The following SLC4A10 variants were observed in gnomAD, a reference collection of about 807,000 sequenced individuals.
The protein encoded by SLC4A10 is sodium-driven chloride bicarbonate exchanger.
A neutral mutation model predicts 137.7 loss-of-function variants in SLC4A10; 42 were observed. The ratio of observed to expected loss-of-function variants is 0.30; its 90% CI spans 0.24 to 0.39. The LOEUF (loss-of-function observed/expected upper bound fraction) is 0.39, where lower values mean the gene tolerates loss of function less well. SLC4A10 is among the 10% of genes least tolerant of loss of function. SLC4A10 has a pLI of 1.00. For missense variants in SLC4A10, 925 were observed against 1,355.0 expected, an observed-to-expected ratio of 0.68 and a Z score of 4.98; for synonymous variants, 474 against 464.1, an observed-to-expected ratio of 1.02 and a Z score of -0.27.
At chr2:161,877,844 T>G (rs1362818269) in intron 8 of SLC4A10, among the ~76,000 whole-genome samples, 1 of 152,052 alleles carries the variant, frequency 6.6e-6, no homozygotes, top group Non-Finnish European at 1.5e-5. Flanking sequence ...TGATTCTATT[T>G]AATATTTTTG....
chr2:161,645,869 T>A (rs1190286224), intron 1 of SLC4A10, among the ~76,000 whole-genome samples: 1 of 152,066 alleles, frequency 6.6e-6, no homozygotes, highest in Admixed American at 6.5e-5. Flanking sequence ...CTTTTGAGAA[T>A]CTGTATTATT....
chr2:161,862,871 C>T lies in SLC4A10; in HGVS notation c.578-3C>T. On this transcript the variant is annotated splice_polypyrimidine_tract_variant and splice_region_variant and intron_variant, in intron 5 of 26. Coordinates refer to ENST00000446997, the MANE Select transcript of SLC4A10 (RefSeq NM_001178015.2). ...TTATCTTCTTCCGGCCTTTTCTCTT[C>T]AGATATGGTTCTTGACCAACAAGTG... 2 of 1,581,466 alleles carry T rather than the reference C, an allele frequency of 1.3e-6. No individual in the cohort carries two copies. The highest frequency in any genetic ancestry group is 1.7e-6 in the Non-Finnish European group (2 of 1,162,026).
chr2:161,831,344 C>G (rs943805924), intron 3 of SLC4A10, among the ~76,000 whole-genome samples: 29 of 151,964 alleles, frequency 1.9e-4, no homozygotes, highest in Non-Finnish European at 8.8e-5. Context: ...AGTAATTGCT[C>G]TATAGCTGTT....
chr2:161,979,203 T>G (rs943943165), intron 26 of SLC4A10, among the ~76,000 whole-genome samples: 2 of 152,240 alleles, frequency 1.3e-5, no homozygotes, highest in African/African-American at 4.8e-5. Context: ...TCCTCTATTT[T>G]TCTTTGGTTC....
At chr2:161,918,066 A>G (rs2105473522) in intron 15 of SLC4A10, among the ~76,000 whole-genome samples, 1 of 152,326 alleles carries the variant, frequency 6.6e-6, no homozygotes, top group South Asian at 2.1e-4. Flanking sequence ...TTTTATGATT[A>G]ATACTTAGAT....
intron 21 of SLC4A10, among the ~76,000 whole-genome samples, chr2:161,959,486 G>A (rs1213067406): frequency 2.6e-5 from 4 of 152,130 alleles, no homozygotes; most frequent in Admixed American, 6.5e-5. Context: ...GGGCATGAGG[G>A]CATCAGTTCT....
At chr2:161,844,573 T>C (rs1336600884) in intron 4 of SLC4A10, among the ~76,000 whole-genome samples, 3 of 152,160 alleles carry the variant, frequency 2.0e-5, no homozygotes, top group South Asian at 2.1e-4. Context: ...TTTTGGATGA[T>C]AGACTTACTC....
At chr2:161,812,810 G>T (rs1165185200) in intron 3 of SLC4A10, among the ~76,000 whole-genome samples, 1 of 152,012 alleles carries the variant, frequency 6.6e-6, no homozygotes, top group Non-Finnish European at 1.5e-5. Context: ...ATGGTGAATA[G>T]CACTAAGATG....
chr2:161,956,883 A>G, intron 19 of SLC4A10, 106 bp from the exon 20 acceptor site: 1 of 1,233,292 alleles, frequency 8.1e-7, no homozygotes, highest in Non-Finnish European at 1.1e-6. Context: ...TCTGATATGA[A>G]GGGCTTGTTG....
At chr2:161,825,150 G>A (rs1474759291) in intron 3 of SLC4A10, among the ~76,000 whole-genome samples, 2 of 152,176 alleles carry the variant, frequency 1.3e-5, no homozygotes, top group Non-Finnish European at 2.9e-5. Flanking sequence ...GTCAACAGTA[G>A]GCTATTAGTA....
At chr2:161,882,706 C>A (rs80212220) in intron 10 of SLC4A10, among the ~76,000 whole-genome samples, 159 of 152,036 alleles carry the variant, frequency 1.0e-3, no homozygotes, top group Non-Finnish European at 2.0e-3. Flanking sequence ...TTAATATTCC[C>A]TTTATGGTAT....
chr2:161,809,023 T>C (rs1158319212), intron 3 of SLC4A10, among the ~76,000 whole-genome samples: 1 of 152,318 alleles, frequency 6.6e-6, no homozygotes, highest in East Asian at 1.9e-4. Context: ...CAATTTATAT[T>C]CCCACCAACA....
At chr2:161,762,630 A>G (rs1483289107) in intron 1 of SLC4A10, among the ~76,000 whole-genome samples, 1 of 152,110 alleles carries the variant, frequency 6.6e-6, no homozygotes, top group Non-Finnish European at 1.5e-5. Context: ...AAGTAATAAG[A>G]TGAATAAGAA....
At position 161,772,258 on chromosome 2, in the gene SLC4A10, G is replaced by A. The variant is rs554605661; in HGVS notation, c.130+1204G>A. 3.3e-5 allele frequency among the ~76,000 whole-genome samples: 5 copies of A among 151,776 alleles called. No individual in the cohort carries two copies. In the South Asian group the frequency reaches 8.3e-4, roughly 25 times the overall value. On this transcript the variant is annotated intron_variant, in intron 2 of 26. Transcript: ENST00000446997. ...ATAAAAATAATTTATCTTTGAGTTC[G>A]AAATGCCATTACATTTTTTAAAACA...
intron 1 of SLC4A10, among the ~76,000 whole-genome samples, chr2:161,692,739 C>T (rs1411488949): frequency 4.6e-5 from 7 of 152,022 alleles, no homozygotes; most frequent in Admixed American, 4.6e-4. Context: ...CCTCCAATGA[C>T]TTATCTAGAT....
In SLC4A10 at chr2:161,955,572, T is replaced by A. The variant is rs578135458; in HGVS notation, c.2542-1417T>A. Among the ~76,000 whole-genome samples, 8 of 152,284 alleles carry A rather than the reference T, an allele frequency of 5.3e-5. No individual in the cohort carries two copies. In the East Asian group the frequency reaches 1.5e-3, roughly 29 times the overall value. ...AGGTCCTTAGGCACATAACTCTCAT[T>A]GTCTCCTCACTATCATCTCTTGCAC... is the stretch of plus-strand genomic sequence containing the variant. On this transcript the variant is annotated intron_variant, in intron 19 of 26. Coordinates refer to ENST00000446997, the MANE Select transcript of SLC4A10 (RefSeq NM_001178015.2).
chr2:161,899,848 C>T (rs780138653), intron 11 of SLC4A10, among the ~76,000 whole-genome samples: 10 of 152,070 alleles, frequency 6.6e-5, no homozygotes, highest in Non-Finnish European at 1.3e-4. Context: ...AGTCTTACTG[C>T]GTCCATCCAT....
intron 19 of SLC4A10, among the ~76,000 whole-genome samples, chr2:161,955,940 A>G (rs1695580762): frequency 6.6e-6 from 1 of 152,108 alleles, no homozygotes; most frequent in Admixed American, 6.6e-5. Context: ...TTTTATTTTC[A>G]AAAAAGTCAA....
intron 15 of SLC4A10, among the ~76,000 whole-genome samples, chr2:161,937,501 A>G (rs1016106400): frequency 4.6e-5 from 7 of 152,224 alleles, no homozygotes; most frequent in African/African-American, 1.4e-4. Context: ...TCCCTCTTTT[A>G]GATCTCAGTT....
Sources: gnomAD v4.1 joint callset for allele counts (sites outside exome capture counted in the v4.1 genomes callset) on GRCh38, gnomAD v4.1.1 for gene constraint, MANE v1.5 for transcripts, NCBI Gene and HGNC (gene_info 2026-07-23, HGNC 2026-07-21) for gene names.